The following LTBP1 variants were observed in gnomAD, a reference collection of about 807,000 sequenced individuals.
LTBP1 encodes the protein latent-transforming growth factor beta-binding protein 1.
Under a neutral mutation model 207.6 loss-of-function variants are expected in LTBP1, and 129 were observed. The ratio of observed to expected loss-of-function variants is 0.62; its 90% CI spans 0.54 to 0.72. The LOEUF (loss-of-function observed/expected upper bound fraction) is 0.72, where lower values mean the gene tolerates loss of function less well. LTBP1 is among the 30% of genes least tolerant of loss of function. LTBP1 has a pLI of 0.00. For missense variants in LTBP1, 2,281 were observed against 2,217.2 expected, an observed-to-expected ratio of 1.03 and a Z score of -0.58; for synonymous variants, 963 against 833.7, an observed-to-expected ratio of 1.16 and a Z score of -2.67.
At chr2:33,380,358 C>T (rs1043526918) in intron 31 of LTBP1, among the ~76,000 whole-genome samples, 10 of 151,122 alleles carry the variant, frequency 6.6e-5, no homozygotes, top group Non-Finnish European at 4.4e-5. Flanking sequence ...GGGTGGATCA[C>T]CTGAGGTCAG....
chr2:32,966,880 C>G (rs747892748), intron 2 of LTBP1, among the ~76,000 whole-genome samples: 2 of 152,080 alleles, frequency 1.3e-5, no homozygotes, highest in African/African-American at 2.4e-5. Flanking sequence ...TAGGGTGATG[C>G]TGGCCTCAGA....
chr2:33,241,529 G>A (rs568839084), intron 9 of LTBP1, among the ~76,000 whole-genome samples: 25 of 152,306 alleles, frequency 1.6e-4, no homozygotes, highest in African/African-American at 4.8e-4. Flanking sequence ...GCAGCCAGCC[G>A]CAAGGCTGAG....
intron 3 of LTBP1, among the ~76,000 whole-genome samples, chr2:33,041,255 A>G (rs1433929934): frequency 6.6e-6 from 1 of 151,946 alleles, no homozygotes; most frequent in Non-Finnish European, 1.5e-5. Flanking sequence ...TGGCTATCTA[A>G]AGATACAGAC....
At position 33,019,328 on chromosome 2, in the gene LTBP1, C is replaced by CTTTTT. The variant is rs58570641; in HGVS notation, c.566-1559_566-1555dup. On this transcript the variant is annotated intron_variant, in intron 2 of 33. Coordinates refer to ENST00000404816, the MANE Select transcript of LTBP1 (RefSeq NM_206943.4). ...ACTTAAGTCAGTAGCATGTACACTT[C>CTTTTT]TTTTTTTTTTTTTTTTTTTTTTTTT... is the stretch of plus-strand genomic sequence containing the variant. 8.0e-5 allele frequency among the ~76,000 whole-genome samples: 7 copies of CTTTTT among 87,672 alleles called. 1 individual carries two copies. The highest frequency in any genetic ancestry group is 1.7e-4 in the African/African-American group (4 of 23,630). 57.5% of individuals were successfully genotyped at this position (87,672 alleles called of 152,430 possible).
intron 7 of LTBP1, among the ~76,000 whole-genome samples, chr2:33,205,429 CTAGG>C (rs2089770615): frequency 6.6e-6 from 1 of 152,144 alleles, no homozygotes; most frequent in Non-Finnish European, 1.5e-5. Context: ...TTAGATTAGT[CTAGG>C]TTGTGCTTCA....
At chr2:33,222,398 T>A (rs1003725656) in intron 9 of LTBP1, among the ~76,000 whole-genome samples, 2 of 152,248 alleles carry the variant, frequency 1.3e-5, no homozygotes, top group Admixed American at 6.5e-5. Flanking sequence ...TAAAAGAGTT[T>A]GGATCACATT....
At chr2:33,076,300 T>C (rs944613617) in intron 3 of LTBP1, among the ~76,000 whole-genome samples, 10 of 152,158 alleles carry the variant, frequency 6.6e-5, no homozygotes, top group South Asian at 6.2e-4. Flanking sequence ...TGTGAGACTT[T>C]AGTTAGATCT....
At chr2:32,997,496 C>A (rs1375719618) in intron 2 of LTBP1, among the ~76,000 whole-genome samples, 2 of 152,058 alleles carry the variant, frequency 1.3e-5, no homozygotes, top group African/African-American at 2.4e-5. Flanking sequence ...AGAGTGAGAC[C>A]CTGTCTTTAA....
chr2:33,134,116 T>A lies in LTBP1; in HGVS notation c.1034-677T>A, dbSNP rs2081981234. ...TTATCCCTGTGACCTGGCTTACCCC[T>A]TTAAAGATGGGCCCCGTTCACAGGA... On this transcript the variant is annotated intron_variant, in intron 4 of 33. Transcript: ENST00000404816. This position sits in a 1 kb window ranked among gnomAD's most constrained non-coding sequence, Gnocchi z 4.4. Among the ~76,000 whole-genome samples the A allele has an allele frequency of 6.6e-6, 1 of 152,184 alleles. No homozygotes were observed. Among genetic ancestry groups the A allele is most frequent in the Non-Finnish European group, 1.5e-5 (1 of 68,024 alleles).
chr2:33,008,296 A>G (rs1167337180), intron 2 of LTBP1, among the ~76,000 whole-genome samples: 1 of 152,262 alleles, frequency 6.6e-6, no homozygotes, highest in Non-Finnish European at 1.5e-5. Flanking sequence ...TAGTACATTT[A>G]TCATATAGTC....
intron 11 of LTBP1, among the ~76,000 whole-genome samples, chr2:33,256,346 TC>T (rs2092850060): frequency 6.6e-6 from 1 of 152,072 alleles, no homozygotes; most frequent in African/African-American, 2.4e-5. Context: ...CAGAAACACT[TC>T]CCCTTTTCCG....
At chr2:33,296,211 C>G (rs781323669) in intron 20 of LTBP1, among the ~76,000 whole-genome samples, 4 of 152,066 alleles carry the variant, frequency 2.6e-5, no homozygotes, top group Non-Finnish European at 5.9e-5. Flanking sequence ...ATTTTATCTT[C>G]TTTCATCCTA....
At chr2:33,222,765 C>T (rs2091195869) in intron 9 of LTBP1, among the ~76,000 whole-genome samples, 1 of 152,000 alleles carries the variant, frequency 6.6e-6, no homozygotes, top group Non-Finnish European at 1.5e-5. Context: ...AAACTCAAGC[C>T]CAGAGAGGTT....
In LTBP1 at chr2:33,302,982, CACAA is replaced by C. The variant is rs770232788; in HGVS notation, c.3481+1342_3481+1345del. Among the ~76,000 whole-genome samples, 825 of 149,262 alleles carry C rather than the reference CACAA, an allele frequency of 5.5e-3. 5 individuals carry two copies. The highest frequency in any genetic ancestry group is 0.011 in the African/African-American group (447 of 39,954). On this transcript the variant is annotated intron_variant, in intron 22 of 33. Transcript: ENST00000404816. ...ACACACACACACACACACACACACA[CACAA>C]ACACACACAAACACACGCACACACA...
intron 3 of LTBP1, among the ~76,000 whole-genome samples, chr2:33,039,878 C>T (rs1462120152): frequency 6.6e-6 from 1 of 151,948 alleles, no homozygotes; most frequent in East Asian, 1.9e-4. Context: ...TGGTTGCTTA[C>T]GGTTGAGGTT....
At chr2:33,246,957 T>C (rs898054618) in intron 10 of LTBP1, among the ~76,000 whole-genome samples, 1 of 152,148 alleles carries the variant, frequency 6.6e-6, no homozygotes, top group African/African-American at 2.4e-5. Context: ...TCGAGGACTT[T>C]TCAGAGCAAA....
rs866898578 is a variant in LTBP1 at position 33,358,026 on chromosome 2, G to A, written c.4001-2571G>A. On this transcript the variant is annotated intron_variant, in intron 26 of 33. Transcript: ENST00000404816. ...TTATCCCAATAGAAAAATGCTCTAG[G>A]AAGTTAATTACTTAAAGACTAGGAA... Among the ~76,000 whole-genome samples, 8 of 152,208 alleles carry A rather than the reference G, an allele frequency of 5.3e-5. No individual in the cohort carries two copies. The Middle Eastern group carries it at 0.01, about 194-fold the overall frequency.
intron 5 of LTBP1, among the ~76,000 whole-genome samples, chr2:33,186,187 A>G (rs933816304): frequency 6.6e-6 from 1 of 152,228 alleles, no homozygotes; most frequent in African/African-American, 2.4e-5. Flanking sequence ...AGTGTCTTAA[A>G]TAGAGAAAAT....
At chr2:32,948,403 C>T (rs1429156964) in intron 1 of LTBP1, among the ~76,000 whole-genome samples, 1 of 152,046 alleles carries the variant, frequency 6.6e-6, no homozygotes, top group African/African-American at 2.4e-5. Flanking sequence ...TAGTGCCTTC[C>T]CGTTGTGGGA....
Sources: allele counts gnomAD v4.1 joint callset (sites outside exome capture counted in the v4.1 genomes callset), GRCh38; gene constraint gnomAD v4.1.1; non-coding constraint Gnocchi (gnomAD v3.1); transcripts MANE v1.5; gene names NCBI Gene and HGNC (gene_info 2026-07-23, HGNC 2026-07-21).